ZNF451: variants seen among roughly 807,000 people sequenced by gnomAD.
ZNF451 encodes E3 SUMO-protein ligase ZNF451.
ZNF451 carries 80 observed loss-of-function variants against 107.1 expected under a neutral mutation model. That is an observed-to-expected ratio of 0.75 (90% CI 0.62 to 0.90). The LOEUF (loss-of-function observed/expected upper bound fraction) is 0.90, where lower values mean the gene tolerates loss of function less well. Ranked by LOEUF, ZNF451 falls within the 40% of genes least tolerant of loss-of-function variation. ZNF451 has a pLI of 0.00. For missense variants in ZNF451, 1,107 were observed against 1,236.2 expected (o/e 0.90, Z 1.57); for synonymous variants, 362 against 406.5 (o/e 0.89, Z 1.32).
At chr6:57,142,140 G>A in intron 9 of ZNF451, 45 bp downstream of exon 9, 2 of 1,519,002 alleles carry the variant, frequency 1.3e-6, no homozygotes, top group Non-Finnish European at 1.8e-6. Context: ...ATGAGTGTTT[G>A]CCAGTGAGAA....
chr6:57,102,839 CTT>C, intron 3 of ZNF451: 1 of 985,376 alleles, frequency 1.0e-6, no homozygotes, highest in Non-Finnish European at 1.2e-6. Context: ...TTCATCAAGA[CTT>C]TGATGGCCAC....
chr6:57,095,683 T>C (rs370281269), intron 2 of ZNF451, among the ~76,000 whole-genome samples: 11 of 152,152 alleles, frequency 7.2e-5, no homozygotes, highest in South Asian at 2.1e-4. Flanking sequence ...GTGTGAATCA[T>C]ATAAAATTAT....
At chr6:57,109,191 T>C in intron 3 of ZNF451, 1 of 985,450 alleles carries the variant, frequency 1.0e-6, no homozygotes, top group Non-Finnish European at 1.2e-6. Context: ...TGATTCGTAG[T>C]CATTGGTTTC....
intron 13 of ZNF451, among the ~76,000 whole-genome samples, chr6:57,158,360 CTTT>C (rs397974998): frequency 7.0e-6 from 1 of 141,992 alleles, no homozygotes. Flanking sequence ...GAAGAATGCG[CTTT>C]TTTTTTTTTG....
intron 3 of ZNF451, chr6:57,101,048 G>C: frequency 6.4e-7 from 1 of 1,550,646 alleles, no homozygotes; most frequent in Non-Finnish European, 8.7e-7. Context: ...CATCATTCTA[G>C]GCCAAGTGAG....
intron 3 of ZNF451, chr6:57,109,468 G>A (rs1830016242): frequency 2.0e-6 from 2 of 985,386 alleles, no homozygotes; most frequent in Middle Eastern, 5.2e-4. Flanking sequence ...GGTAATATCC[G>A]AAAGTACTTT....
intron 5 of ZNF451, among the ~76,000 whole-genome samples, chr6:57,130,452 A>G (rs1257855291): frequency 6.6e-6 from 1 of 152,248 alleles, no homozygotes; most frequent in South Asian, 2.1e-4. Context: ...TTTTAAACAG[A>G]TGCCTACACC....
At chr6:57,105,630 C>CT in intron 3 of ZNF451, 2 of 985,222 alleles carry the variant, frequency 2.0e-6, no homozygotes, top group Non-Finnish European at 2.4e-6. Flanking sequence ...ACAGTAGTTC[C>CT]TTTTTGTTAT....
intron 3 of ZNF451, chr6:57,101,654 C>G: frequency 6.4e-7 from 1 of 1,550,662 alleles, no homozygotes; most frequent in Non-Finnish European, 8.7e-7. Context: ...GTTCATGACC[C>G]AGAATTTGAT....
intron 3 of ZNF451, chr6:57,108,165 C>A (rs1317307296): frequency 1.0e-6 from 1 of 985,250 alleles, no homozygotes; most frequent in African/African-American, 1.7e-5. Flanking sequence ...TTAAAAAATT[C>A]TACTTTGACC....
rs377457807 is a variant in ZNF451, at chr6:57,147,520, C to T, written c.1435C>T (p.Arg479Ter). Residue 479 changes from arginine to a stop codon, truncating the protein, a stop_gained, in exon 10 of 15, where the codon CGA (arginine) becomes TGA (stop). Coordinates refer to ENST00000370706, the MANE Select transcript of ZNF451 (RefSeq NM_001031623.3). LOFTEE classifies it high-confidence loss of function. ...VKTWFCECNQ[R>*]FPSEDAVEKH... ...AACCTGGTTCTGTGAATGCAATCAG[C>T]GATTCCCAAGTGAAGATGCAGTAGA... is the stretch of plus-strand genomic sequence containing the variant. The T allele has an allele frequency of 3.1e-6, 5 of 1,613,924 alleles. No individual in the cohort carries two copies. Among genetic ancestry groups the T allele is most frequent in the East Asian group, 2.2e-5 (1 of 44,894 alleles).
chr6:57,108,824 G>T (rs1373106915), intron 3 of ZNF451: 1 of 985,286 alleles, frequency 1.0e-6, no homozygotes, highest in Non-Finnish European at 1.2e-6. Context: ...ACTCTTGAGA[G>T]AAATTCATTC....
At chr6:57,166,285 T>G (rs975077861) in intron 14 of ZNF451, among the ~76,000 whole-genome samples, 3 of 152,190 alleles carry the variant, frequency 2.0e-5, no homozygotes, top group Non-Finnish European at 4.4e-5. Context: ...ACCTTGGCCT[T>G]CCAAAGTACT....
chr6:57,107,732 CTG>C, intron 3 of ZNF451: 1 of 985,082 alleles, frequency 1.0e-6, no homozygotes, highest in Non-Finnish European at 1.2e-6. Flanking sequence ...CTCAGGCTGT[CTG>C]TATTTTCTTT....
At chr6:57,133,337 T>A in intron 6 of ZNF451, 145 bp downstream of exon 6, 1 of 872,246 alleles carries the variant, frequency 1.1e-6, no homozygotes, top group Non-Finnish European at 1.7e-6. Context: ...CATTATGATA[T>A]AATTTTTTCA....
rs560124581 is a variant in ZNF451, at chr6:57,170,203, T to C, written c.*1734T>C. ...TAATTAAAAATCATCTTAAAATTCA[T>C]ACTTTGACTTTAATTTAGACACAAG... On this transcript the variant is annotated 3_prime_UTR_variant, in exon 15 of 15. Transcript: ENST00000370706. 13 of 152,394 alleles carry C rather than the reference T, an allele frequency of 8.5e-5. No individual in the cohort carries two copies. The East Asian group carries it at 2.5e-3, about 29-fold the overall frequency. 9.4% of individuals were successfully genotyped at this position (152,394 alleles called of 1,614,324 possible).
At chr6:57,137,297 A>G (rs1831480061) in intron 7 of ZNF451, among the ~76,000 whole-genome samples, 1 of 152,210 alleles carries the variant, frequency 6.6e-6, no homozygotes, top group African/African-American at 2.4e-5. Flanking sequence ...TCCCCAATGG[A>G]AAAAAGTCAA....
chr6:57,118,673 G>A (rs1368356602), intron 3 of ZNF451, among the ~76,000 whole-genome samples: 2 of 151,644 alleles, frequency 1.3e-5, no homozygotes, highest in Non-Finnish European at 2.9e-5. Flanking sequence ...TTGTAGAGAC[G>A]AGGCCTTGCA....
intron 2 of ZNF451, among the ~76,000 whole-genome samples, chr6:57,093,905 C>CT (rs1829166318): frequency 6.6e-6 from 1 of 152,220 alleles, no homozygotes; most frequent in Non-Finnish European, 1.5e-5. Context: ...CAATTGGAAA[C>CT]TATTTGAAAT....
Sources: gnomAD v4.1 joint callset for allele counts (sites outside exome capture counted in the v4.1 genomes callset) on GRCh38, gnomAD v4.1.1 for gene constraint, MANE v1.5 for transcripts, NCBI Gene and HGNC (gene_info 2026-07-23, HGNC 2026-07-21) for gene names.